ZEB1: variants seen among roughly 807,000 people sequenced by gnomAD.
ZEB1 encodes the protein zinc finger E-box binding homeobox 1, also known as zinc finger E-box-binding homeobox 1.
In ZEB1, 21 loss-of-function variants were observed where a neutral mutation model predicts 84.9. The ratio of observed to expected loss-of-function variants is 0.25; its 90% CI spans 0.18 to 0.36. ZEB1 has a LOEUF of 0.36. ZEB1 is among the 10% of genes least tolerant of loss of function. ZEB1 has a pLI of 1.00. For missense variants in ZEB1, 1,104 were observed against 1,330.2 expected, an observed-to-expected ratio of 0.83 and a Z score of 2.65; for synonymous variants, 420 against 471.1, an observed-to-expected ratio of 0.89 and a Z score of 1.41.
At chr10:31,458,034 C>T (rs111665600) in intron 1 of ZEB1, among the ~76,000 whole-genome samples, 1 of 152,010 alleles carries the variant, frequency 6.6e-6, no homozygotes, top group Admixed American at 6.6e-5. Flanking sequence ...AGCCTCCCTT[C>T]GCAAAACAGC....
intron 1 of ZEB1, among the ~76,000 whole-genome samples, chr10:31,445,526 C>G (rs1471573527): frequency 1.3e-5 from 2 of 151,506 alleles, no homozygotes; most frequent in Non-Finnish European, 2.9e-5. Context: ...AGTTTTTGCC[C>G]ATTCAGTATG....
chr10:31,498,803 TTTAC>T (rs2067669390), intron 3 of ZEB1, among the ~76,000 whole-genome samples: 1 of 152,024 alleles, frequency 6.6e-6, no homozygotes, highest in African/African-American at 2.4e-5. Flanking sequence ...TGTCATAATA[TTTAC>T]TTTTTGAGCT....
intron 1 of ZEB1, among the ~76,000 whole-genome samples, chr10:31,393,926 A>C (rs1295230183): frequency 6.6e-6 from 1 of 152,222 alleles, no homozygotes; most frequent in African/African-American, 2.4e-5. Context: ...AAACTTTGCC[A>C]CAGCTACCTG....
chr10:31,420,581 A>G (rs1020111119), intron 1 of ZEB1, among the ~76,000 whole-genome samples: 1 of 152,174 alleles, frequency 6.6e-6, no homozygotes, highest in African/African-American at 2.4e-5. Context: ...CTCTCCCAGG[A>G]TAATCTCCTT....
intron 1 of ZEB1, among the ~76,000 whole-genome samples, chr10:31,353,141 A>G (rs2041578432): frequency 6.6e-6 from 1 of 152,228 alleles, no homozygotes; most frequent in Non-Finnish European, 1.5e-5. Context: ...ACCTCACAGG[A>G]TTGACAGTTA....
At chr10:31,420,924 A>G (rs1024302423) in intron 1 of ZEB1, among the ~76,000 whole-genome samples, 5 of 152,148 alleles carry the variant, frequency 3.3e-5, no homozygotes, top group Admixed American at 6.5e-5. Context: ...ACATCTCATC[A>G]ACAGTCCAGC....
chr10:31,425,258 GA>G (rs1315726733), intron 1 of ZEB1, among the ~76,000 whole-genome samples: 1 of 151,976 alleles, frequency 6.6e-6, no homozygotes, highest in Non-Finnish European at 1.5e-5. Flanking sequence ...AGAATAAAAA[GA>G]AATCTAGGAA....
At chr10:31,449,602 G>T (rs1018407004) in intron 1 of ZEB1, among the ~76,000 whole-genome samples, 2 of 152,042 alleles carry the variant, frequency 1.3e-5, no homozygotes, top group African/African-American at 4.8e-5. Flanking sequence ...TAATTTGCAA[G>T]ACTCCTATTT....
At chr10:31,376,042 A>G (rs553231341) in intron 1 of ZEB1, among the ~76,000 whole-genome samples, 2 of 151,786 alleles carry the variant, frequency 1.3e-5, no homozygotes, top group Non-Finnish European at 3.0e-5. Flanking sequence ...GTTATTACTA[A>G]AAATACTGAG....
In ZEB1 at chr10:31,443,953, G is replaced by T. The variant is rs939543931; in HGVS notation, c.59-17084G>T. 2.5e-3 allele frequency among the ~76,000 whole-genome samples: 375 copies of T among 149,628 alleles called. 3 individuals carry two copies. Among genetic ancestry groups the T allele is most frequent in the African/African-American group, 8.9e-3 (356 of 40,178 alleles). ...AGTAATGGGATGGCTGGGTCAAATG[G>T]TATTTCTAGTTCTAGATCCCTGAGG... On this transcript the variant is annotated intron_variant, in intron 1 of 8. Transcript: ENST00000424869.
At chr10:31,319,157 TG>T, upstream of ZEB1, 2 of 389,158 alleles carry the variant, frequency 5.1e-6, no homozygotes, top group South Asian at 7.3e-5. Context: ...GGGGGAGGGG[TG>T]GAGGCGGAGG....
chr10:31,366,190 A>G (rs767212590), intron 1 of ZEB1, among the ~76,000 whole-genome samples: 4 of 152,174 alleles, frequency 2.6e-5, no homozygotes, highest in Non-Finnish European at 4.4e-5. Context: ...TATAGCTCTC[A>G]CTGTCTACCA....
At chr10:31,368,867 T>C (rs1446766143) in intron 1 of ZEB1, among the ~76,000 whole-genome samples, 1 of 152,302 alleles carries the variant, frequency 6.6e-6, no homozygotes, top group African/African-American at 2.4e-5. Flanking sequence ...CAAAATAATT[T>C]TGATGAATGA....
intron 2 of ZEB1, among the ~76,000 whole-genome samples, chr10:31,465,459 A>T (rs555577926): frequency 3.3e-4 from 50 of 149,850 alleles, no homozygotes; most frequent in South Asian, 1.3e-3. Context: ...GATTGCAAAA[A>T]ATATATATAT....
At chr10:31,446,334 T>C (rs1489267968) in intron 1 of ZEB1, among the ~76,000 whole-genome samples, 1 of 152,188 alleles carries the variant, frequency 6.6e-6, no homozygotes, top group Admixed American at 6.5e-5. Flanking sequence ...TAGTGGTCTA[T>C]CAATTTTGTT....
chr10:31,442,134 G>A (rs112420266), intron 1 of ZEB1, among the ~76,000 whole-genome samples: 37,670 of 152,100 alleles, frequency 0.25, 10,295 homozygotes, highest in African/African-American at 0.68. Context: ...CACTATTCAC[G>A]ATAGCAAAGA....
At chr10:31,434,196 T>C (rs888083794) in intron 1 of ZEB1, among the ~76,000 whole-genome samples, 5 of 152,210 alleles carry the variant, frequency 3.3e-5, no homozygotes, top group African/African-American at 1.2e-4. Context: ...ATGTAATGTT[T>C]AGAATAATGA....
intron 1 of ZEB1, among the ~76,000 whole-genome samples, chr10:31,332,542 CTG>C (rs1482122105): frequency 1.3e-5 from 2 of 152,080 alleles, no homozygotes; most frequent in South Asian, 2.1e-4. Context: ...GATATCAGTT[CTG>C]TGTCATAGAT....
At chr10:31,496,716 C>T (rs1477047254) in intron 3 of ZEB1, among the ~76,000 whole-genome samples, 2 of 151,954 alleles carry the variant, frequency 1.3e-5, no homozygotes, top group Non-Finnish European at 2.9e-5. Context: ...TTTTCTTTTT[C>T]CTTCTCTTCT....
Sources: gnomAD v4.1 joint callset for allele counts (sites outside exome capture counted in the v4.1 genomes callset) on GRCh38, gnomAD v4.1.1 for gene constraint, MANE v1.5 for transcripts, NCBI Gene and HGNC (gene_info 2026-07-23, HGNC 2026-07-21) for gene names.